Variants in LHFPL3 observed in about 807,000 individuals in gnomAD.
LHFPL3 encodes LHFPL tetraspan subfamily member 3, also known as LHFPL tetraspan subfamily member 3 protein.
In LHFPL3, 5 loss-of-function variants were observed where a neutral mutation model predicts 19.3. The ratio of observed to expected loss-of-function variants is 0.26; its 90% CI spans 0.14 to 0.54. The LOEUF is 0.54. Ranked by LOEUF, LHFPL3 falls within the 20% of genes least tolerant of loss-of-function variation. The probability of loss-of-function intolerance (pLI) is 0.94; values close to 1 mark genes in which losing one functional copy is unlikely to be tolerated. For missense variants in LHFPL3, 249 were observed against 307.4 expected (o/e 0.81, Z 1.42); for synonymous variants, 133 against 126.2 (o/e 1.05, Z -0.36).
intron 1 of LHFPL3, chr7:104,669,030 C>T: frequency 1.2e-6 from 2 of 1,612,074 alleles, no homozygotes; most frequent in Admixed American, 1.7e-5. Context: ...CTGGGACCTC[C>T]ACCACATCTG....
intron 1 of LHFPL3, among the ~76,000 whole-genome samples, chr7:104,688,641 C>T (rs530242583): frequency 6.6e-6 from 1 of 152,222 alleles, no homozygotes; most frequent in South Asian, 2.1e-4. Context: ...AGGAGATTAC[C>T]CATGCACTGC....
intron 1 of LHFPL3, among the ~76,000 whole-genome samples, chr7:104,616,714 G>C (rs1395519692): frequency 6.6e-6 from 1 of 152,040 alleles, no homozygotes; most frequent in Admixed American, 6.6e-5. Context: ...TACAGAATGG[G>C]AGAAAATTTT....
At chr7:104,594,786 T>C (rs559985830) in intron 1 of LHFPL3, among the ~76,000 whole-genome samples, 6 of 152,334 alleles carry the variant, frequency 3.9e-5, no homozygotes, top group African/African-American at 1.2e-4. Context: ...TTTCATTAAT[T>C]TGATCTTCAG....
chr7:104,801,519 A>T (rs929182203), intron 2 of LHFPL3, among the ~76,000 whole-genome samples: 1 of 152,084 alleles, frequency 6.6e-6, no homozygotes, highest in Non-Finnish European at 1.5e-5. Context: ...TCTAGTTAGC[A>T]CCAAAGTTTT....
At chr7:104,795,467 G>T (rs141775165) in intron 2 of LHFPL3, among the ~76,000 whole-genome samples, 1 of 152,158 alleles carries the variant, frequency 6.6e-6, no homozygotes, top group Non-Finnish European at 1.5e-5. Flanking sequence ...CTAACAGTTT[G>T]TATGCCTCAA....
chr7:104,552,111 A>G (rs982633768), intron 1 of LHFPL3, among the ~76,000 whole-genome samples: 2 of 152,134 alleles, frequency 1.3e-5, no homozygotes, highest in Non-Finnish European at 2.9e-5. Context: ...TGATTTCCTA[A>G]TCTGTAAAAC....
chr7:104,340,216 A>G (rs1192145553), intron 1 of LHFPL3, among the ~76,000 whole-genome samples: 1 of 152,154 alleles, frequency 6.6e-6, no homozygotes, highest in Middle Eastern at 3.2e-3. Flanking sequence ...AGAGATTGCA[A>G]GTTATAGACA....
intron 2 of LHFPL3, chr7:104,803,429 G>A (rs774023120): frequency 4.6e-5 from 7 of 152,320 alleles, no homozygotes; most frequent in Admixed American, 6.5e-5. Flanking sequence ...ATTTTATCAT[G>A]ATCTTCAGTT....
intron 1 of LHFPL3, among the ~76,000 whole-genome samples, chr7:104,379,309 C>G (rs770546798): frequency 6.6e-6 from 1 of 152,190 alleles, no homozygotes; most frequent in Admixed American, 6.5e-5. Context: ...ACAGTCTGCA[C>G]TTCTTGGGCC....
intron 2 of LHFPL3, among the ~76,000 whole-genome samples, chr7:104,829,118 T>C (rs6466024): frequency 1 from 151,036 of 151,782 alleles, 75,163 homozygotes; most frequent in Middle Eastern, 1. Flanking sequence ...CCTGGCCTCA[T>C]GACTTCAACC....
At chr7:104,809,791 T>C (rs1041817915) in intron 2 of LHFPL3, among the ~76,000 whole-genome samples, 7 of 152,152 alleles carry the variant, frequency 4.6e-5, no homozygotes, top group African/African-American at 1.7e-4. Context: ...GTGTTAGCCA[T>C]TTAGTCATTT....
rs563595097 is a variant in LHFPL3 at position 104,588,598 on chromosome 7, A to G, written c.446-148077A>G. Among the ~76,000 whole-genome samples the G allele has an allele frequency of 8.8e-3, 1,340 of 152,192 alleles. 18 individuals are homozygous for G. The highest frequency in any genetic ancestry group is 0.031 in the African/African-American group (1,273 of 41,542). On this transcript the variant is annotated intron_variant, in intron 1 of 2. Transcript: ENST00000424859. ...TGGCTTAGGATTGACTTGGCAATGCAGGCTCTTTTTTGGTTCCATATGAAC... is the reference window on the plus strand; with the variant it reads ...TGGCTTAGGATTGACTTGGCAATGCGGGCTCTTTTTTGGTTCCATATGAAC...
Position 104,587,892 on chromosome 7 carries a change from A to G in LHFPL3, c.446-148783A>G, listed in dbSNP as rs548359550. Reference sequence around the variant, plus strand: ...CCAGTGATGATGAGCATTTTTTCACATGTCTTTCGGCTGCATAAATCTCTT... The same window carrying G: ...CCAGTGATGATGAGCATTTTTTCACGTGTCTTTCGGCTGCATAAATCTCTT... On this transcript the variant is annotated intron_variant, in intron 1 of 2. Transcript: ENST00000424859. Among the ~76,000 whole-genome samples the G allele has an allele frequency of 1.6e-3, 239 of 152,162 alleles. 1 individual carries two copies. The East Asian group carries it at 0.026, about 17-fold the overall frequency.
intron 2 of LHFPL3, among the ~76,000 whole-genome samples, chr7:104,887,953 A>G (rs1329590430): frequency 3.3e-5 from 5 of 152,212 alleles, no homozygotes; most frequent in African/African-American, 9.6e-5. Context: ...CTTGAGAGTC[A>G]GAACAAGTTA....
rs1003074426 is a variant in LHFPL3, at chr7:104,544,041, T to TA, written c.446-192621dup. 5.9e-3 allele frequency among the ~76,000 whole-genome samples: 795 copies of TA among 135,496 alleles called. 8 individuals carry two copies. Among genetic ancestry groups the TA allele is most frequent in the African/African-American group, 0.017 (643 of 37,000 alleles). The allele number at this position is 135,496 out of a possible 152,430, so 88.9% of individuals were successfully genotyped here. A position where few individuals can be genotyped will look rare whatever the true frequency, so the allele number is the denominator to read the frequency against. On this transcript the variant is annotated intron_variant, in intron 1 of 2. Coordinates refer to ENST00000424859, the MANE Select transcript of LHFPL3 (RefSeq NM_199000.3). ...TGTATCCCAGAACTTAAAGTAAAAT[T>TA]AAAAAAAAAAAAAGCTGGTATTAGG...
At chr7:104,503,809 A>G (rs113537270) in intron 1 of LHFPL3, among the ~76,000 whole-genome samples, 2,895 of 152,248 alleles carry the variant, frequency 0.019, 93 homozygotes, top group African/African-American at 0.066. Context: ...GGCTCAAGCA[A>G]TCTGCTCACC....
chr7:104,579,170 T>G lies in LHFPL3; in HGVS notation c.446-157505T>G, dbSNP rs760159907. On this transcript the variant is annotated intron_variant, in intron 1 of 2. Coordinates refer to ENST00000424859, the MANE Select transcript of LHFPL3 (RefSeq NM_199000.3). ...GGCAATATGCTTTATTCTGTCTTTTTAATTTTAGATTCGGGAGTACGTGTG... is the reference window on the plus strand; with the variant it reads ...GGCAATATGCTTTATTCTGTCTTTTGAATTTTAGATTCGGGAGTACGTGTG... Among the ~76,000 whole-genome samples the G allele has an allele frequency of 7.9e-5, 12 of 152,334 alleles. No homozygotes were observed. The East Asian group carries it at 2.1e-3, about 27-fold the overall frequency.
At chr7:104,649,171 A>G (rs1791984158) in intron 1 of LHFPL3, among the ~76,000 whole-genome samples, 1 of 152,242 alleles carries the variant, frequency 6.6e-6, no homozygotes, top group Admixed American at 6.5e-5. Context: ...CATTAATTGG[A>G]AGAGCAGGGA....
At position 104,590,581 on chromosome 7, in the gene LHFPL3, T is replaced by C. The variant is rs574286830; in HGVS notation, c.446-146094T>C. ...GTGTGATGTGGTGCTGAGAAGAATG[T>C]ATATTCTGTTGATCTGGGGTGGAGA... On this transcript the variant is annotated intron_variant, in intron 1 of 2. Transcript: ENST00000424859. Among the ~76,000 whole-genome samples the C allele has an allele frequency of 6.0e-4, 91 of 152,336 alleles. No homozygotes were observed. In the South Asian group the frequency reaches 0.017, roughly 29 times the overall value.
Sources: gnomAD v4.1 joint callset for allele counts (sites outside exome capture counted in the v4.1 genomes callset) on GRCh38, gnomAD v4.1.1 for gene constraint, MANE v1.5 for transcripts, NCBI Gene and HGNC (gene_info 2026-07-23, HGNC 2026-07-21) for gene names.